HMCN1: variants seen among roughly 807,000 people sequenced by gnomAD.
The protein encoded by HMCN1 is hemicentin 1, also known as hemicentin-1.
A neutral mutation model predicts 625.9 loss-of-function variants in HMCN1; 321 were observed. The observed-to-expected ratio is 0.51, with a 90% CI of 0.47 to 0.56. HMCN1 has a LOEUF of 0.56. Ranked by LOEUF, HMCN1 falls within the 20% of genes least tolerant of loss-of-function variation. The pLI, the probability that HMCN1 is intolerant of heterozygous loss-of-function variation, is 0.00. For synonymous variants in HMCN1, 2,425 were observed against 2,417.6 expected (o/e 1.00, Z -0.09); for missense variants, 6,588 against 6,887.3 (o/e 0.96, Z 1.54).
intron 102 of HMCN1, among the ~76,000 whole-genome samples, chr1:186,173,029 A>G (rs1286412590): frequency 1.3e-5 from 2 of 152,230 alleles, no homozygotes; most frequent in Non-Finnish European, 2.9e-5. Flanking sequence ...TAAGGGAGAA[A>G]GAGCTGAACT....
intron 15 of HMCN1, among the ~76,000 whole-genome samples, 158 bp downstream of exon 15, chr1:185,970,651 A>G (rs1650746562): frequency 6.6e-6 from 1 of 151,538 alleles, no homozygotes; most frequent in Non-Finnish European, 1.5e-5. Context: ...AGCATTTACT[A>G]GGTGCTTTCT....
chr1:186,166,646 C>A (rs1199298449), intron 99 of HMCN1, among the ~76,000 whole-genome samples, 162 bp from the exon 100 acceptor site: 1 of 152,220 alleles, frequency 6.6e-6, no homozygotes, highest in East Asian at 1.9e-4. Context: ...AGTTTGTCAG[C>A]TATTTAGCCC....
intron 89 of HMCN1, among the ~76,000 whole-genome samples, chr1:186,141,483 G>A (rs1553303682): frequency 6.6e-6 from 1 of 152,182 alleles, no homozygotes; most frequent in Non-Finnish European, 1.5e-5. Flanking sequence ...TTAGTTAGAA[G>A]AGTGTTTTTA....
intron 11 of HMCN1, among the ~76,000 whole-genome samples, chr1:185,935,900 A>G (rs1040233138): frequency 1.3e-5 from 2 of 152,204 alleles, no homozygotes; most frequent in Non-Finnish European, 2.9e-5. Context: ...GTTTATGATA[A>G]TATGAGAAAT....
chr1:185,785,804 A>C (rs1657524630), intron 1 of HMCN1, among the ~76,000 whole-genome samples: 1 of 152,204 alleles, frequency 6.6e-6, no homozygotes, highest in Non-Finnish European at 1.5e-5. Flanking sequence ...GACATGAACA[A>C]ATCCCAGGAC....
chr1:186,110,500 A>G (rs770442667), intron 71 of HMCN1, among the ~76,000 whole-genome samples: 16 of 152,224 alleles, frequency 1.1e-4, no homozygotes, highest in Non-Finnish European at 2.4e-4. Flanking sequence ...CTTTGGCAAT[A>G]CATATAGGTA....
chr1:185,864,380 G>C (rs754056376), intron 2 of HMCN1, 90 bp from the exon 3 acceptor site: 2 of 1,243,906 alleles, frequency 1.6e-6, no homozygotes, highest in South Asian at 1.2e-5. Context: ...AAACTTGCTC[G>C]TTCTAAAACT....
intron 44 of HMCN1, 53 bp from the exon 45 acceptor site, chr1:186,055,340 C>A: frequency 6.4e-7 from 1 of 1,550,858 alleles, no homozygotes; most frequent in South Asian, 1.1e-5. Context: ...CTATGTAAGA[C>A]TTGAAGCAAA....
At chr1:186,000,555 G>GTA (rs1378068813) in intron 26 of HMCN1, among the ~76,000 whole-genome samples, 1 of 109,288 alleles carries the variant, frequency 9.2e-6, no homozygotes, top group Non-Finnish European at 1.8e-5. Context: ...GTGTGTGTGT[G>GTA]TGTATGTGTG....
intron 83 of HMCN1, 96 bp from the exon 84 acceptor site, chr1:186,129,870 G>A: frequency 1.4e-6 from 2 of 1,463,528 alleles, no homozygotes; most frequent in South Asian, 1.1e-5. Context: ...TTCAATTGCT[G>A]ACCAACTCAT....
At chr1:186,054,111 C>A in intron 44 of HMCN1, 125 bp downstream of exon 44, 1 of 954,718 alleles carries the variant, frequency 1.0e-6, no homozygotes, top group Non-Finnish European at 1.6e-6. Flanking sequence ...TCATATGACA[C>A]ACACATTTAA....
Position 185,734,808 on chromosome 1 carries a change from T to C in HMCN1, c.29T>C (p.Val10Ala). The change falls in exon 1 of 107, where the codon GTA becomes GCA. Residue 10 changes from valine (V) to alanine (A), a missense_variant. Val to Ala is a moderately conservative substitution (Grantham distance 64, BLOSUM62 0). This residue lies in a region of HMCN1 where 4,628 missense variants were observed against 4,853.1 expected (regional missense o/e 0.95). Coordinates refer to ENST00000271588, the MANE Select transcript of HMCN1 (RefSeq NM_031935.3). Reference protein sequence around the residue: MISWEVVHTVFLFALLYSSL... With the variant: MISWEVVHTAFLFALLYSSL... ...ATTTCCTGGGAAGTTGTCCATACAG[T>C]ATTCCTGTTTGCTCTTCTTTATTCT... 6.2e-7 allele frequency: 1 copy of C among 1,614,070 alleles called. No homozygotes were observed. Among genetic ancestry groups the C allele is most frequent in the Non-Finnish European group, 8.5e-7 (1 of 1,179,950 alleles).
At chr1:186,003,328 A>G (rs914719278) in intron 28 of HMCN1, among the ~76,000 whole-genome samples, 1 of 152,164 alleles carries the variant, frequency 6.6e-6, no homozygotes, top group African/African-American at 2.4e-5. Flanking sequence ...GCACCACACT[A>G]TATGTAGAAT....
rs1371920619 is a variant in HMCN1 at position 186,057,268 on chromosome 1, T to A, written c.7179T>A (p.Pro2393=). ...GCATCATAGGAAACCACAGGTCACC[T>A]GAAAATATTAGTGTGGTAGAAAAGA... ...PPSIIGNHRS[P]ENISVVEKNS... Residue 2393 remains proline, a synonymous_variant, in exon 46 of 107, where the codon CCT becomes CCA. Transcript: ENST00000271588. The A allele has an allele frequency of 6.2e-7, 1 of 1,611,722 alleles. No homozygotes were observed. Among genetic ancestry groups the A allele is most frequent in the Non-Finnish European group, 8.5e-7 (1 of 1,178,330 alleles).
chr1:186,112,823 A>T lies in HMCN1; in HGVS notation c.11001A>T (p.Arg3667=). 1.2e-6 allele frequency: 2 copies of T among 1,614,196 alleles called. No individual in the cohort carries two copies. The highest frequency in any genetic ancestry group is 1.7e-6 in the Non-Finnish European group (2 of 1,180,010). The part of the protein sequence containing the change: ...RNGERLQATP[R]VRILSGGRYL... ...CTTGCTGAATCCAGGCAACACCTCG[A>T]GTGCGAATCCTATCTGGAGGGAGAT... Residue 3667 remains arginine, a synonymous_variant, in exon 72 of 107, where the codon CGA becomes CGT. Coordinates refer to ENST00000271588, the MANE Select transcript of HMCN1 (RefSeq NM_031935.3).
chr1:185,785,651 G>A (rs373925691), intron 1 of HMCN1, among the ~76,000 whole-genome samples: 6 of 152,144 alleles, frequency 3.9e-5, no homozygotes, highest in Admixed American at 2.6e-4. Flanking sequence ...ATTTGGCTTC[G>A]TTCTGCCATC....
chr1:186,157,963 G>T (rs1355805575), intron 97 of HMCN1, among the ~76,000 whole-genome samples: 2 of 151,900 alleles, frequency 1.3e-5, no homozygotes, highest in Non-Finnish European at 2.9e-5. Flanking sequence ...CCCAGTAATG[G>T]GATGGCTGGA....
At chr1:186,070,591 T>C (rs1242106285) in intron 51 of HMCN1, 21 bp from the exon 52 acceptor site, 1 of 1,600,946 alleles carries the variant, frequency 6.2e-7, no homozygotes, top group East Asian at 2.2e-5. Context: ...TGTCTAACTC[T>C]TTAATATTTA....
intron 1 of HMCN1, among the ~76,000 whole-genome samples, chr1:185,810,745 T>A (rs142417133): frequency 1.8e-3 from 270 of 152,112 alleles, no homozygotes; most frequent in Non-Finnish European, 2.9e-3. Context: ...ATGATTAAAA[T>A]TTATTAAGTG....
Sources: gnomAD v4.1 joint callset for allele counts (sites outside exome capture counted in the v4.1 genomes callset) on GRCh38, gnomAD v4.1.1 for gene constraint, gnomAD v4.1.1 regional missense constraint, MANE v1.5 for transcripts, NCBI Gene and HGNC (gene_info 2026-07-23, HGNC 2026-07-21) for gene names.